The following AFTPH variants were observed in gnomAD, a reference collection of about 807,000 sequenced individuals.
The protein encoded by AFTPH is aftiphilin protein.
AFTPH carries 7 observed loss-of-function variants against 72.5 expected under a neutral mutation model. The ratio of observed to expected loss-of-function variants is 0.10; its 90% CI spans 0.05 to 0.18. AFTPH has a LOEUF of 0.18. Among genes scored for constraint, AFTPH ranks in the 10% least tolerant of loss-of-function variants. AFTPH has a pLI of 1.00. For missense variants in AFTPH, 979 were observed against 1,060.5 expected, an observed-to-expected ratio of 0.92 and a Z score of 1.07; for synonymous variants, 337 against 370.1, an observed-to-expected ratio of 0.91 and a Z score of 1.03.
intron 1 of AFTPH, among the ~76,000 whole-genome samples, chr2:64,548,373 C>A (rs542299384): frequency 1.6e-5 from 2 of 124,102 alleles, no homozygotes; most frequent in African/African-American, 6.0e-5. Flanking sequence ...GCAGTCAGGC[C>A]TGGGCGACAG....
At chr2:64,552,284 C>A in exon 2 of AFTPH, 1 of 1,614,014 alleles carries the variant, frequency 6.2e-7, no homozygotes, top group South Asian at 1.1e-5. Flanking sequence ...TTAATAGAGT[C>A]AATGAACTGA....
intron 1 of AFTPH, among the ~76,000 whole-genome samples, chr2:64,529,242 T>G (rs1355264624): frequency 1.3e-5 from 2 of 152,148 alleles, no homozygotes; most frequent in Non-Finnish European, 2.9e-5. Context: ...AGGGGCCCCA[T>G]GCTTTATCTT....
At chr2:64,590,462 T>C (rs1351654493) in intron 8 of AFTPH, among the ~76,000 whole-genome samples, 1 of 152,222 alleles carries the variant, frequency 6.6e-6, no homozygotes, top group South Asian at 2.1e-4. Context: ...GGTGCTGAGA[T>C]TGACGATTGG....
intron 2 of AFTPH, among the ~76,000 whole-genome samples, chr2:64,553,661 A>T (rs1413834866): frequency 6.6e-6 from 1 of 151,038 alleles, no homozygotes; most frequent in Non-Finnish European, 1.5e-5. Context: ...ACAGATACTC[A>T]TCAACTTGGA....
At chr2:64,535,457 A>G (rs1669837100) in intron 1 of AFTPH, among the ~76,000 whole-genome samples, 1 of 152,370 alleles carries the variant, frequency 6.6e-6, no homozygotes, top group African/African-American at 2.4e-5. Context: ...ATTAATTCAG[A>G]CAAGAAACCT....
At chr2:64,575,756 G>T (rs7575895) in intron 6 of AFTPH, among the ~76,000 whole-genome samples, 24,745 of 74,462 alleles carry the variant, frequency 0.33, 5,662 homozygotes, top group African/African-American at 0.65. Context: ...TATTTTTTTT[G>T]GAGGTAGAGT....
chr2:64,527,436 C>T (rs1315266568), intron 1 of AFTPH, among the ~76,000 whole-genome samples: 5 of 152,016 alleles, frequency 3.3e-5, no homozygotes, highest in Non-Finnish European at 5.9e-5. Context: ...CAAAATTAGC[C>T]GGGTGTGGTG....
At chr2:64,567,192 C>T (rs998518338) in intron 2 of AFTPH, among the ~76,000 whole-genome samples, 1 of 152,136 alleles carries the variant, frequency 6.6e-6, no homozygotes, top group African/African-American at 2.4e-5. Context: ...TAAATGCTCT[C>T]TGGGTTTTTT....
At chr2:64,592,649 A>AT (rs1673894496) in exon 9 of AFTPH, 1 of 152,512 alleles carries the variant, frequency 6.6e-6, no homozygotes, top group South Asian at 2.1e-4. Flanking sequence ...TCAGAACTTG[A>AT]TTGGAGGGGT....
intron 1 of AFTPH, among the ~76,000 whole-genome samples, chr2:64,531,334 T>A (rs926776005): frequency 3.9e-5 from 6 of 152,188 alleles, no homozygotes; most frequent in Non-Finnish European, 5.9e-5. Flanking sequence ...AAATCACTCC[T>A]ACCAGCAGTG....
chr2:64,547,275 A>T, intron 1 of AFTPH, among the ~76,000 whole-genome samples: 1 of 152,078 alleles, frequency 6.6e-6, no homozygotes, highest in Non-Finnish European at 1.5e-5. Context: ...CTTGACTTTC[A>T]TGAGCTTGAT....
At chr2:64,568,007 C>T (rs1195247489) in intron 3 of AFTPH, among the ~76,000 whole-genome samples, 1 of 151,690 alleles carries the variant, frequency 6.6e-6, no homozygotes, top group African/African-American at 2.4e-5. Context: ...GATCACTGCA[C>T]TCCAGCCTCA....
At chr2:64,573,334 A>G (rs1421845622) in intron 6 of AFTPH, among the ~76,000 whole-genome samples, 1 of 152,038 alleles carries the variant, frequency 6.6e-6, no homozygotes, top group Non-Finnish European at 1.5e-5. Context: ...CTCTTTATCT[A>G]TAAATTGAAG....
At chr2:64,581,061 A>G in intron 7 of AFTPH, 129 bp from the exon 8 acceptor site, 1 of 585,482 alleles carries the variant, frequency 1.7e-6, no homozygotes, top group Non-Finnish European at 3.0e-6. Flanking sequence ...TGATTTTTAA[A>G]ATGTGTAATG....
intron 8 of AFTPH, among the ~76,000 whole-genome samples, chr2:64,587,043 AATG>A (rs1435771171): frequency 2.0e-5 from 3 of 152,208 alleles, no homozygotes; most frequent in South Asian, 2.1e-4. Context: ...TGAAAATCCC[AATG>A]ATGAGAATTC....
chr2:64,574,063 G>T (rs759206246), intron 6 of AFTPH, among the ~76,000 whole-genome samples: 6 of 152,048 alleles, frequency 3.9e-5, no homozygotes, highest in Non-Finnish European at 8.8e-5. Context: ...TTTTGTTCGG[G>T]TAAAATGGGC....
chr2:64,590,441 C>G (rs1211365052), intron 8 of AFTPH, among the ~76,000 whole-genome samples: 2 of 152,110 alleles, frequency 1.3e-5, no homozygotes, highest in Non-Finnish European at 2.9e-5. Context: ...CTGGTTGACT[C>G]CATTGTTAGT....
chr2:64,580,263 C>CT (rs1673108754), intron 7 of AFTPH: 1 of 152,646 alleles, frequency 6.6e-6, no homozygotes, highest in Non-Finnish European at 1.5e-5. Context: ...GCTCTTACTG[C>CT]TTGTGCTTAA....
intron 8 of AFTPH, 81 bp from the exon 10 acceptor site, chr2:64,591,807 T>G (rs908754221): frequency 1.5e-5 from 22 of 1,468,772 alleles, no homozygotes; most frequent in Non-Finnish European, 2.0e-5. Context: ...GCTAACTGTC[T>G]ACCTTGAGAG....
Sources: gnomAD v4.1 joint callset for allele counts (sites outside exome capture counted in the v4.1 genomes callset) on GRCh38, gnomAD v4.1.1 for gene constraint, MANE v1.5 for transcripts, NCBI Gene and HGNC (gene_info 2026-07-23, HGNC 2026-07-21) for gene names.